Variants in AIG1 observed in about 807,000 individuals in gnomAD.
AIG1 encodes the protein androgen induced 1.
In AIG1, 23 loss-of-function variants were observed where a neutral mutation model predicts 31.4. The ratio of observed to expected loss-of-function variants is 0.73; its 90% confidence interval spans 0.53 to 1.04. The LOEUF (loss-of-function observed/expected upper bound fraction) is 1.04. AIG1 is among the 50% of genes least tolerant of loss of function. The pLI, the probability that AIG1 is intolerant of heterozygous loss-of-function variation, is 0.00. For synonymous variants in AIG1, 100 were observed against 110.5 expected (o/e 0.90, Z 0.60); for missense variants, 274 against 295.0 (o/e 0.93, Z 0.52).
intron 3 of AIG1, among the ~76,000 whole-genome samples, chr6:143,263,481 C>CTTTA (rs1795948636): frequency 1.3e-5 from 2 of 151,932 alleles, no homozygotes; most frequent in East Asian, 3.9e-4. Context: ...ACCACATTTT[C>CTTTA]TTTAATGTAT....
chr6:143,222,737 G>A (rs1792635589), intron 3 of AIG1, among the ~76,000 whole-genome samples: 1 of 152,004 alleles, frequency 6.6e-6, no homozygotes, highest in Non-Finnish European at 1.5e-5. Flanking sequence ...AGTTGGTGTG[G>A]AAAAATATAT....
intron 3 of AIG1, chr6:143,187,654 G>A (rs1323943197): frequency 1.3e-6 from 2 of 1,536,078 alleles, no homozygotes; most frequent in Non-Finnish European, 1.7e-6. Flanking sequence ...AGTTTTCTTG[G>A]CACGCTTTTC....
At chr6:143,077,649 T>G (rs1777855641) in intron 1 of AIG1, among the ~76,000 whole-genome samples, 1 of 152,242 alleles carries the variant, frequency 6.6e-6, no homozygotes, top group Non-Finnish European at 1.5e-5. Context: ...GCAGTCTGCA[T>G]ATGATGTTTC....
chr6:143,187,124 G>A (rs1789333449), intron 3 of AIG1, among the ~76,000 whole-genome samples: 1 of 152,006 alleles, frequency 6.6e-6, no homozygotes, highest in African/African-American at 2.4e-5. Context: ...ATTTTTATTA[G>A]CACTGAATTT....
chr6:143,113,466 G>A (rs1305225344), intron 1 of AIG1, among the ~76,000 whole-genome samples: 1 of 151,662 alleles, frequency 6.6e-6, no homozygotes, highest in East Asian at 2.0e-4. Flanking sequence ...AGCCGGGCAT[G>A]GTGGCATGCG....
chr6:143,244,538 CA>C (rs1292259322), intron 3 of AIG1, among the ~76,000 whole-genome samples: 1 of 152,184 alleles, frequency 6.6e-6, no homozygotes, highest in African/African-American at 2.4e-5. Flanking sequence ...AAATGGATCA[CA>C]TGGGTATGGG....
At chr6:143,272,350 A>G (rs958322273) in intron 3 of AIG1, among the ~76,000 whole-genome samples, 3 of 152,206 alleles carry the variant, frequency 2.0e-5, no homozygotes, top group African/African-American at 7.2e-5. Flanking sequence ...GTTGTTATCC[A>G]GTTGACCCTC....
chr6:143,285,942 T>A (rs1321137418), intron 4 of AIG1, among the ~76,000 whole-genome samples: 1 of 152,148 alleles, frequency 6.6e-6, no homozygotes, highest in Non-Finnish European at 1.5e-5. Context: ...TGCACAATTA[T>A]TCCAGGGATG....
In AIG1 at chr6:143,071,500, G is replaced by A. The variant is rs117292928; in HGVS notation, c.141+10434G>A. 9.5e-3 allele frequency among the ~76,000 whole-genome samples: 1,451 copies of A among 152,240 alleles called. 9 individuals are homozygous for A. Among genetic ancestry groups the A allele is most frequent in the Middle Eastern group, 0.02 (6 of 294 alleles). ...GATAGTTGCAATTTTTAGTTTTACC[G>A]GAAGCTACCAAATGGTTGTCCAGAG... On this transcript the variant is annotated intron_variant, in intron 1 of 5. Coordinates refer to ENST00000357847, the MANE Select transcript of AIG1 (RefSeq NM_016108.4).
chr6:143,133,486 T>G (rs1209670965), intron 1 of AIG1, among the ~76,000 whole-genome samples: 2 of 152,154 alleles, frequency 1.3e-5, no homozygotes, highest in African/African-American at 4.8e-5. Context: ...CCTTTGTGTA[T>G]TCCCCTCCAA....
At chr6:143,287,079 T>C (rs763267169) in intron 4 of AIG1, among the ~76,000 whole-genome samples, 2 of 151,796 alleles carry the variant, frequency 1.3e-5, no homozygotes, top group African/African-American at 2.4e-5. Flanking sequence ...CACCTGTCCA[T>C]TTGTGGGAAG....
At position 143,298,533 on chromosome 6, in the gene AIG1, TC is replaced by T. The variant is rs1418480402; in HGVS notation, c.515+14310del. On this transcript the variant is annotated intron_variant, in intron 4 of 5. Coordinates refer to ENST00000357847, the MANE Select transcript of AIG1 (RefSeq NM_016108.4). This position sits in a 1 kb window ranked among gnomAD's most constrained non-coding sequence, Gnocchi z 5.1. ...TAGATAAGTCTAATATAAGATGCTATCCATTTAAAAGTAGCCAGGTGTGGTG... is the reference window on the plus strand; with the variant it reads ...TAGATAAGTCTAATATAAGATGCTATCATTTAAAAGTAGCCAGGTGTGGTG... 6.6e-6 allele frequency among the ~76,000 whole-genome samples: 1 copy of T among 152,204 alleles called. No homozygotes were observed. Among genetic ancestry groups the T allele is most frequent in the Non-Finnish European group, 1.5e-5 (1 of 68,032 alleles).
chr6:143,228,552 A>C (rs777946419), intron 3 of AIG1, among the ~76,000 whole-genome samples: 15 of 152,224 alleles, frequency 9.9e-5, no homozygotes, highest in Non-Finnish European at 1.9e-4. Flanking sequence ...TCAAACAGCC[A>C]CAGACCCACA....
At chr6:143,184,370 T>A (rs1475276280) in intron 3 of AIG1, among the ~76,000 whole-genome samples, 1 of 152,216 alleles carries the variant, frequency 6.6e-6, no homozygotes, top group Non-Finnish European at 1.5e-5. Context: ...CGTGTGTCCT[T>A]CCCTGGTCTG....
intron 3 of AIG1, among the ~76,000 whole-genome samples, chr6:143,225,997 A>G (rs929520191): frequency 3.8e-4 from 58 of 152,278 alleles, no homozygotes; most frequent in African/African-American, 1.4e-3. Flanking sequence ...TTAAAAAACA[A>G]AAAAAATTGC....
intron 1 of AIG1, among the ~76,000 whole-genome samples, chr6:143,083,801 C>T (rs940785237): frequency 9.2e-5 from 14 of 152,116 alleles, no homozygotes; most frequent in Non-Finnish European, 2.9e-5. Context: ...CTTTGCTCGT[C>T]CATATTTTCC....
chr6:143,208,941 C>G (rs556780341), intron 3 of AIG1, among the ~76,000 whole-genome samples: 1 of 152,032 alleles, frequency 6.6e-6, no homozygotes, highest in Non-Finnish European at 1.5e-5. Flanking sequence ...AGAAAGATCA[C>G]CACCCTGGGT....
intron 2 of AIG1, among the ~76,000 whole-genome samples, chr6:143,139,705 C>T (rs1784093562): frequency 1.3e-5 from 2 of 152,090 alleles, no homozygotes; most frequent in African/African-American, 4.8e-5. Flanking sequence ...TCTCTCCTCT[C>T]CTCTGTTTTA....
Position 143,279,929 on chromosome 6 carries a change from C to T in AIG1, c.400-4181C>T, listed in dbSNP as rs1164940386. ...CCTTGGGCTGTCAACCTTCATTTTA[C>T]TTAGCTCTTCAAACAAGTCAAGCCT... On this transcript the variant is annotated intron_variant, in intron 3 of 5. Coordinates refer to ENST00000357847, the MANE Select transcript of AIG1 (RefSeq NM_016108.4). This position sits in a 1 kb window ranked among gnomAD's most constrained non-coding sequence, Gnocchi z 5.4. Among the ~76,000 whole-genome samples the T allele has an allele frequency of 6.6e-6, 1 of 152,168 alleles. No homozygotes were observed. Among genetic ancestry groups the T allele is most frequent in the Admixed American group, 6.5e-5 (1 of 15,274 alleles).
Sources: allele counts gnomAD v4.1 joint callset (sites outside exome capture counted in the v4.1 genomes callset), GRCh38; gene constraint gnomAD v4.1.1; non-coding constraint Gnocchi (gnomAD v3.1); transcripts MANE v1.5; gene names NCBI Gene and HGNC (gene_info 2026-07-23, HGNC 2026-07-21).